SIPA1L1: variants seen among roughly 807,000 people sequenced by gnomAD.
SIPA1L1 encodes the protein signal-induced proliferation-associated 1-like protein 1.
In SIPA1L1, 26 loss-of-function variants were observed where a neutral mutation model predicts 162.7. The ratio of observed to expected loss-of-function variants is 0.16; its 90% CI spans 0.12 to 0.22. SIPA1L1 has a LOEUF of 0.22. Ranked by LOEUF, SIPA1L1 falls within the 10% of genes least tolerant of loss-of-function variation. The pLI, the probability that SIPA1L1 is intolerant of heterozygous loss-of-function variation, is 1.00. For synonymous variants in SIPA1L1, 829 were observed against 837.4 expected, an observed-to-expected ratio of 0.99 and a Z score of 0.17; for missense variants, 1,874 against 2,241.0, an observed-to-expected ratio of 0.84 and a Z score of 3.31.
intron 2 of SIPA1L1, among the ~76,000 whole-genome samples, chr14:71,392,784 C>T (rs1035256600): frequency 3.9e-5 from 6 of 152,182 alleles, no homozygotes; most frequent in Admixed American, 6.5e-5. Flanking sequence ...CTGCCCGTCT[C>T]GGCCTCTCAA....
intron 2 of SIPA1L1, among the ~76,000 whole-genome samples, chr14:71,448,012 T>G (rs1297392894): frequency 6.6e-6 from 1 of 152,190 alleles, no homozygotes; most frequent in Non-Finnish European, 1.5e-5. Context: ...GACATTTAGC[T>G]TTCTGTTCTG....
chr14:71,723,348 G>T (rs989314753), intron 17 of SIPA1L1, among the ~76,000 whole-genome samples: 1 of 152,188 alleles, frequency 6.6e-6, no homozygotes, highest in Admixed American at 6.5e-5. Flanking sequence ...CCAGACTTCC[G>T]TGACAAACGT....
intron 2 of SIPA1L1, among the ~76,000 whole-genome samples, chr14:71,403,635 A>ATTGTTTTCACATTCTACTTT (rs1284639226): frequency 6.7e-6 from 1 of 149,808 alleles, no homozygotes; most frequent in Non-Finnish European, 1.5e-5. Context: ...TCTTAATCAT[A>ATTGTTTTCACATTCTACTTT]TTGTTTTCAC....
rs369198237 is a variant in SIPA1L1, at chr14:71,672,482, G to C, written c.2964G>C (p.Leu988=). ...EPYGYAWQAG[L]RQGSRLVEIC... ...ACGGTTATGCCTGGCAGGCAGGGCT[G>C]AGGCAGGGCAGTCGCCTGGTGGAGA... Residue 988 remains leucine, a synonymous_variant, in exon 12 of 24, where the codon CTG becomes CTC. Transcript: ENST00000381232. 3 of 1,614,228 alleles carry C rather than the reference G, an allele frequency of 1.9e-6. No homozygotes were observed. The highest frequency in any genetic ancestry group is 4.5e-5 in the East Asian group (2 of 44,880).
At chr14:71,348,139 CA>C (rs1488960737) in intron 2 of SIPA1L1, among the ~76,000 whole-genome samples, 20 of 152,096 alleles carry the variant, frequency 1.3e-4, no homozygotes, top group African/African-American at 4.6e-4. Flanking sequence ...ATCAAGTATG[CA>C]AACTGTAAAG....
At chr14:71,673,666 T>C (rs184054071) in intron 12 of SIPA1L1, among the ~76,000 whole-genome samples, 331 of 152,316 alleles carry the variant, frequency 2.2e-3, no homozygotes, top group Non-Finnish European at 4.0e-3. Context: ...ACCTCCTAGA[T>C]GGCCTAGGGA....
intron 2 of SIPA1L1, among the ~76,000 whole-genome samples, chr14:71,481,729 T>C (rs2048366136): frequency 6.6e-6 from 1 of 152,174 alleles, no homozygotes; most frequent in African/African-American, 2.4e-5. Flanking sequence ...CATTAAAAAT[T>C]AGTGAGGGGG....
chr14:71,576,368 A>C (rs1000010732), intron 4 of SIPA1L1, among the ~76,000 whole-genome samples: 3 of 152,226 alleles, frequency 2.0e-5, no homozygotes, highest in Admixed American at 6.5e-5. Context: ...AGTTAGTGAG[A>C]TAATGAGCAG....
chr14:71,538,275 C>CT (rs997074271), intron 4 of SIPA1L1, among the ~76,000 whole-genome samples: 1 of 150,100 alleles, frequency 6.7e-6, no homozygotes, highest in Non-Finnish European at 1.5e-5. Context: ...ACTATTCTTA[C>CT]TTTTTTTTTT....
At chr14:71,484,180 G>A (rs1358397402) in intron 2 of SIPA1L1, among the ~76,000 whole-genome samples, 1 of 152,022 alleles carries the variant, frequency 6.6e-6, no homozygotes, top group Admixed American at 6.6e-5. Flanking sequence ...ATCACTACAG[G>A]TGTTTCACAT....
At chr14:71,446,660 G>T (rs1475897303) in intron 2 of SIPA1L1, among the ~76,000 whole-genome samples, 1 of 152,006 alleles carries the variant, frequency 6.6e-6, no homozygotes, top group African/African-American at 2.4e-5. Flanking sequence ...GTTTTTTTGT[G>T]TGTGTGCATT....
chr14:71,694,542 A>C lies in SIPA1L1; in HGVS notation c.3375-4439A>C, dbSNP rs189413186. 2.6e-5 allele frequency among the ~76,000 whole-genome samples: 4 copies of C among 152,254 alleles called. No individual in the cohort carries two copies. The East Asian group carries it at 7.7e-4, about 29-fold the overall frequency. ...TTTCAGCAGAAGGAAGCCCCAGAGG[A>C]TGTTTAGTATCAGTTATTTTAAAAA... On this transcript the variant is annotated intron_variant, in intron 13 of 23. Transcript: ENST00000381232.
In SIPA1L1 at chr14:71,671,256, C is replaced by T. The variant is rs768640690; in HGVS notation, c.2393C>T (p.Ser798Leu). 3 of 1,614,146 alleles carry T rather than the reference C, an allele frequency of 1.9e-6. No homozygotes were observed. Among genetic ancestry groups the T allele is most frequent in the Non-Finnish European group, 2.5e-6 (3 of 1,180,038 alleles). Reference sequence around the variant, plus strand: ...AATGCAGAAAATGCTGCTCATAAATCGGAGAAGTTTCGGGCCATGGCAACT... The same window carrying T: ...AATGCAGAAAATGCTGCTCATAAATTGGAGAAGTTTCGGGCCATGGCAACT... The part of the protein sequence containing the change: ...VINAENAAHK[S>L]EKFRAMATRT... Residue 798 changes from serine to leucine, a missense_variant, in exon 11 of 24, where the codon TCG (serine) becomes TTG (leucine). By Grantham distance (145) the Ser-to-Leu change is moderately radical. Around this residue, in one of 5 missense-constraint regions of SIPA1L1, gnomAD observed 243 missense variants for 315.0 expected, o/e 0.77. Transcript: ENST00000381232.
At chr14:71,449,433 A>G (rs1005497060) in intron 2 of SIPA1L1, among the ~76,000 whole-genome samples, 2 of 152,180 alleles carry the variant, frequency 1.3e-5, no homozygotes, top group African/African-American at 2.4e-5. Context: ...GTAATTTACT[A>G]CTGAGCTCCT....
intron 2 of SIPA1L1, among the ~76,000 whole-genome samples, chr14:71,337,454 C>T (rs963237425): frequency 7.2e-5 from 11 of 152,056 alleles, no homozygotes; most frequent in African/African-American, 2.7e-4. Flanking sequence ...GCTGGGGAAG[C>T]CTCACAATCA....
chr14:71,617,836 G>A (rs1379246479), intron 5 of SIPA1L1, among the ~76,000 whole-genome samples: 1 of 152,086 alleles, frequency 6.6e-6, no homozygotes, highest in Non-Finnish European at 1.5e-5. Context: ...CATTTTGGAG[G>A]TTTGAAAAAC....
intron 6 of SIPA1L1, among the ~76,000 whole-genome samples, chr14:71,622,267 G>A (rs879711679): frequency 6.6e-6 from 1 of 152,336 alleles, no homozygotes; most frequent in Admixed American, 6.5e-5. Context: ...TGTAGGCATG[G>A]CAGTTTGTTT....
intron 2 of SIPA1L1, among the ~76,000 whole-genome samples, chr14:71,500,128 A>T (rs2050090342): frequency 6.6e-6 from 1 of 152,230 alleles, no homozygotes; most frequent in African/African-American, 2.4e-5. Context: ...ATAAAGGAAG[A>T]CATTGATAAG....
At chr14:71,450,207 T>C (rs2045712279) in intron 2 of SIPA1L1, among the ~76,000 whole-genome samples, 1 of 152,154 alleles carries the variant, frequency 6.6e-6, no homozygotes, top group Admixed American at 6.6e-5. Context: ...AATAAATATA[T>C]GTAACTTTAT....
Sources: allele counts gnomAD v4.1 joint callset (sites outside exome capture counted in the v4.1 genomes callset), GRCh38; gene constraint gnomAD v4.1.1; regional missense constraint gnomAD v4.1.1; transcripts MANE v1.5; gene names NCBI Gene and HGNC (gene_info 2026-07-23, HGNC 2026-07-21).